GPHN: variants seen among roughly 807,000 people sequenced by gnomAD.
The protein encoded by GPHN is gephyrin.
GPHN carries 17 observed loss-of-function variants against 95.5 expected under a neutral mutation model. The observed-to-expected ratio is 0.18, with a 90% CI of 0.12 to 0.27. GPHN has a LOEUF of 0.27. Among genes scored for constraint, GPHN ranks in the 10% least tolerant of loss-of-function variants. The pLI is 1.00. For missense variants in GPHN, 660 were observed against 978.1 expected, an observed-to-expected ratio of 0.67 and a Z score of 4.34; for synonymous variants, 320 against 322.5, an observed-to-expected ratio of 0.99 and a Z score of 0.08.
chr14:67,695,698 A>G, the GPHN span: 1 of 1,611,534 alleles, frequency 6.2e-7, no homozygotes, highest in Non-Finnish European at 8.5e-7. Context: ...ACATGAGCTC[A>G]ACCATCTCTG....
At chr14:67,049,881 G>C (rs1243446710) in intron 10 of GPHN, among the ~76,000 whole-genome samples, 1 of 152,108 alleles carries the variant, frequency 6.6e-6, no homozygotes, top group Non-Finnish European at 1.5e-5. Context: ...GTGGGAAGAA[G>C]CCTCGTGGCA....
the GPHN span, among the ~76,000 whole-genome samples, chr14:67,377,126 G>A: frequency 3.3e-5 from 5 of 151,906 alleles, no homozygotes; most frequent in South Asian, 4.2e-4. Flanking sequence ...CTGTCTTTTC[G>A]CCATTTCCTG....
the GPHN span, among the ~76,000 whole-genome samples, chr14:67,459,118 G>C: frequency 1.3e-5 from 2 of 152,020 alleles, no homozygotes; most frequent in African/African-American, 4.8e-5. Flanking sequence ...TGGAACTCCT[G>C]ACCCCATGAT....
At chr14:66,796,444 G>C (rs544986231) in intron 3 of GPHN, among the ~76,000 whole-genome samples, 1 of 151,914 alleles carries the variant, frequency 6.6e-6, no homozygotes, top group Non-Finnish European at 1.5e-5. Context: ...ATTCTTCATA[G>C]AGTTTGTAAT....
At chr14:67,029,210 A>G (rs1215425912) in intron 10 of GPHN, among the ~76,000 whole-genome samples, 1 of 152,136 alleles carries the variant, frequency 6.6e-6, no homozygotes, top group African/African-American at 2.4e-5. Context: ...CTGGCTTTAT[A>G]CAAATACCAT....
the GPHN span, among the ~76,000 whole-genome samples, chr14:67,249,879 G>A: frequency 2.6e-5 from 4 of 152,296 alleles, no homozygotes; most frequent in Middle Eastern, 3.4e-3. Flanking sequence ...TAACGTGATT[G>A]CTTCCTATGA....
At chr14:66,998,800 T>C (rs925444162) in intron 9 of GPHN, among the ~76,000 whole-genome samples, 1 of 151,712 alleles carries the variant, frequency 6.6e-6, no homozygotes, top group South Asian at 2.1e-4. Context: ...ATGAGTTGTA[T>C]AGGAACAAGA....
At chr14:66,744,714 G>A (rs1306717309) in intron 2 of GPHN, among the ~76,000 whole-genome samples, 1 of 152,136 alleles carries the variant, frequency 6.6e-6, no homozygotes, top group Non-Finnish European at 1.5e-5. Flanking sequence ...TTGTTAAGAT[G>A]TTATTAGAGA....
At chr14:67,643,748 C>G in the GPHN span, among the ~76,000 whole-genome samples, 5 of 148,378 alleles carry the variant, frequency 3.4e-5, no homozygotes, top group Non-Finnish European at 7.4e-5. Context: ...TGTGACTCTT[C>G]TGGTGATTAT....
the GPHN span, among the ~76,000 whole-genome samples, chr14:67,722,908 G>C: frequency 2.0e-5 from 3 of 152,200 alleles, no homozygotes; most frequent in Non-Finnish European, 4.4e-5. Flanking sequence ...GCAGAGGTGG[G>C]GCTGAGTTCT....
the GPHN span, among the ~76,000 whole-genome samples, chr14:67,490,349 C>G: frequency 2.6e-5 from 4 of 152,122 alleles, no homozygotes; most frequent in Non-Finnish European, 5.9e-5. Context: ...CCTGGGTTTG[C>G]ACAATACAGA....
the GPHN span, among the ~76,000 whole-genome samples, chr14:67,670,567 CTTTT>C: frequency 6.7e-6 from 1 of 148,152 alleles, no homozygotes; most frequent in Non-Finnish European, 1.5e-5. Context: ...GGTTTGTTAC[CTTTT>C]TTTTTTTCTG....
At chr14:66,643,075 A>G (rs890577253) in intron 1 of GPHN, among the ~76,000 whole-genome samples, 1 of 152,146 alleles carries the variant, frequency 6.6e-6, no homozygotes, top group Non-Finnish European at 1.5e-5. Flanking sequence ...CTCATATTCC[A>G]TAACCCAATT....
intron 8 of GPHN, among the ~76,000 whole-genome samples, chr14:66,962,650 G>A (rs901723939): frequency 1.3e-5 from 2 of 151,606 alleles, no homozygotes; most frequent in Non-Finnish European, 3.0e-5. Context: ...TCCTCCATTT[G>A]TATCTACTCT....
chr14:66,759,253 G>A (rs564060207), intron 2 of GPHN, among the ~76,000 whole-genome samples: 5 of 152,018 alleles, frequency 3.3e-5, no homozygotes, highest in African/African-American at 1.2e-4. Flanking sequence ...GGGGTTCCTG[G>A]GTCTATTAGA....
the GPHN span, among the ~76,000 whole-genome samples, chr14:67,220,600 A>C: frequency 6.6e-6 from 1 of 152,244 alleles, no homozygotes; most frequent in African/African-American, 2.4e-5. Flanking sequence ...TTTAGAAATG[A>C]AGAATTTACT....
intron 1 of GPHN, among the ~76,000 whole-genome samples, chr14:66,522,252 G>T (rs2058514375): frequency 1.3e-5 from 2 of 152,098 alleles, no homozygotes; most frequent in African/African-American, 2.4e-5. Context: ...ATTTTTTAAA[G>T]AGCCCTTTAT....
At chr14:67,222,195 A>G in the GPHN span, among the ~76,000 whole-genome samples, 23,821 of 152,110 alleles carry the variant, frequency 0.16, 3,527 homozygotes, top group East Asian at 0.42. Flanking sequence ...ATGGTCCACA[A>G]CTAAATTTTT....
chr14:66,910,707 A>G (rs1219256715), intron 5 of GPHN, among the ~76,000 whole-genome samples: 3 of 152,048 alleles, frequency 2.0e-5, no homozygotes, highest in Non-Finnish European at 4.4e-5. Flanking sequence ...ATATGCACAC[A>G]CATACATATA....
Sources: allele counts gnomAD v4.1 joint callset (sites outside exome capture counted in the v4.1 genomes callset), GRCh38; gene constraint gnomAD v4.1.1; transcripts MANE v1.5; gene names NCBI Gene and HGNC (gene_info 2026-07-23, HGNC 2026-07-21).